The following BCKDHB variants were observed in gnomAD, a reference collection of about 807,000 sequenced individuals.
The protein encoded by BCKDHB is 2-oxoisovalerate dehydrogenase subunit beta, mitochondrial.
A neutral mutation model predicts 48.5 loss-of-function variants in BCKDHB; 41 were observed. The observed-to-expected ratio is 0.85, with a 90% confidence interval of 0.66 to 1.10. The LOEUF is 1.10. Ranked by LOEUF, BCKDHB falls within the 50% of genes least tolerant of loss-of-function variation. The pLI is 0.00. For missense variants in BCKDHB, 496 were observed against 494.2 expected, an observed-to-expected ratio of 1.00 and a Z score of -0.03; for synonymous variants, 201 against 174.8, an observed-to-expected ratio of 1.15 and a Z score of -1.18.
intron 7 of BCKDHB, among the ~76,000 whole-genome samples, chr6:80,202,458 T>G (rs1315604392): frequency 6.6e-6 from 1 of 152,216 alleles, no homozygotes; most frequent in African/African-American, 2.4e-5. Context: ...GTGTCTGTAT[T>G]TAATTTCTTA....
the BCKDHB span, among the ~76,000 whole-genome samples, chr6:80,392,324 T>A: frequency 6.6e-6 from 1 of 152,122 alleles, no homozygotes; most frequent in East Asian, 1.9e-4. Flanking sequence ...CAGAGATTGT[T>A]TTCTTCAGCT....
the BCKDHB span, among the ~76,000 whole-genome samples, chr6:80,398,114 G>A: frequency 6.6e-6 from 1 of 152,012 alleles, no homozygotes; most frequent in Non-Finnish European, 1.5e-5. Flanking sequence ...CTAAATGCCT[G>A]CATCAGAAAG....
At chr6:80,447,805 G>C in the BCKDHB span, among the ~76,000 whole-genome samples, 1 of 152,042 alleles carries the variant, frequency 6.6e-6, no homozygotes, top group Non-Finnish European at 1.5e-5. Flanking sequence ...ACTGGACTAG[G>C]CACTCTCTGT....
At position 80,210,608 on chromosome 6, in the gene BCKDHB, C is replaced by T. The variant is rs1774879618; in HGVS notation, c.951+7396C>T. Among the ~76,000 whole-genome samples the T allele has an allele frequency of 3.3e-5, 5 of 152,198 alleles. No individual in the cohort carries two copies. The South Asian group carries it at 1.0e-3, about 32-fold the overall frequency. ...TTTTTAAAAAAGAAATAAAAAGAAGCACTATCTTCTGTTTAATTCATTTCC... is the reference window on the plus strand; with the variant it reads ...TTTTTAAAAAAGAAATAAAAAGAAGTACTATCTTCTGTTTAATTCATTTCC... On this transcript the variant is annotated intron_variant, in intron 8 of 9. Coordinates refer to ENST00000320393, the MANE Select transcript of BCKDHB (RefSeq NM_183050.4).
At chr6:80,269,067 T>A (rs546288052) in intron 8 of BCKDHB, among the ~76,000 whole-genome samples, 1 of 152,268 alleles carries the variant, frequency 6.6e-6, no homozygotes, top group South Asian at 2.1e-4. Flanking sequence ...TAATGGAGTT[T>A]TTATCTAGTT....
At chr6:80,452,492 C>T in the BCKDHB span, among the ~76,000 whole-genome samples, 1 of 152,024 alleles carries the variant, frequency 6.6e-6, no homozygotes, top group African/African-American at 2.4e-5. Flanking sequence ...ACTATCAAGT[C>T]CCACAGAGCT....
At chr6:80,236,801 G>A (rs1489359649) in intron 8 of BCKDHB, among the ~76,000 whole-genome samples, 1 of 152,170 alleles carries the variant, frequency 6.6e-6, no homozygotes, top group East Asian at 1.9e-4. Context: ...CAGAGAGATT[G>A]AAAGAGACTT....
At chr6:80,361,368 A>G in the BCKDHB span, among the ~76,000 whole-genome samples, 5 of 152,322 alleles carry the variant, frequency 3.3e-5, no homozygotes, top group Non-Finnish European at 7.4e-5. Context: ...GGTGCACTGC[A>G]TGTGGAGGGC....
intron 1 of BCKDHB, among the ~76,000 whole-genome samples, chr6:80,121,677 A>G (rs1770028536): frequency 6.6e-6 from 1 of 152,146 alleles, no homozygotes; most frequent in African/African-American, 2.4e-5. Context: ...GTGTATAGGA[A>G]TGCTTGTGAT....
chr6:80,162,739 T>C (rs935126867), intron 3 of BCKDHB, among the ~76,000 whole-genome samples: 2 of 152,050 alleles, frequency 1.3e-5, no homozygotes, highest in African/African-American at 2.4e-5. Flanking sequence ...TAATCCCAGC[T>C]ACTCGGGAGG....
At chr6:80,111,951 G>A (rs890371055) in intron 1 of BCKDHB, among the ~76,000 whole-genome samples, 6 of 152,084 alleles carry the variant, frequency 3.9e-5, no homozygotes, top group South Asian at 2.1e-4. Context: ...AATTCCACCA[G>A]TATCACCATA....
At chr6:80,350,501 T>C (rs72892041), downstream of BCKDHB, among the ~76,000 whole-genome samples, 5,458 of 152,222 alleles carry the variant, frequency 0.036, 156 homozygotes, top group Non-Finnish European at 0.054. Flanking sequence ...TGTGTTTGCA[T>C]TGGTTAATAC....
At chr6:80,399,544 G>T in the BCKDHB span, among the ~76,000 whole-genome samples, 9 of 152,190 alleles carry the variant, frequency 5.9e-5, no homozygotes, top group African/African-American at 1.9e-4. Flanking sequence ...ACTGATGGTG[G>T]TGAAAGATCT....
intron 9 of BCKDHB, among the ~76,000 whole-genome samples, chr6:80,305,413 G>T (rs991091157): frequency 8.0e-5 from 12 of 149,096 alleles, no homozygotes; most frequent in African/African-American, 3.0e-4. Flanking sequence ...GTTTTTTTTT[G>T]AAAAATTATG....
At chr6:80,293,875 T>C (rs1331863579) in intron 9 of BCKDHB, among the ~76,000 whole-genome samples, 1 of 152,150 alleles carries the variant, frequency 6.6e-6, no homozygotes, top group African/African-American at 2.4e-5. Flanking sequence ...ACCACCAGTC[T>C]CCTTGTATAA....
At chr6:80,435,661 C>G in the BCKDHB span, among the ~76,000 whole-genome samples, 3 of 152,074 alleles carry the variant, frequency 2.0e-5, no homozygotes, top group South Asian at 2.1e-4. Context: ...CTCATTAAAC[C>G]TGGGCTGACA....
At chr6:80,310,128 G>A (rs1363124839) in intron 9 of BCKDHB, among the ~76,000 whole-genome samples, 1 of 150,534 alleles carries the variant, frequency 6.6e-6, no homozygotes, top group Admixed American at 6.6e-5. Flanking sequence ...GGGTACATGT[G>A]CAGAATGTGC....
At chr6:80,211,437 C>T (rs1352368100) in intron 8 of BCKDHB, among the ~76,000 whole-genome samples, 1 of 152,180 alleles carries the variant, frequency 6.6e-6, no homozygotes, top group East Asian at 1.9e-4. Flanking sequence ...TAGCATTTCT[C>T]TCCTGGGTTT....
intron 3 of BCKDHB, among the ~76,000 whole-genome samples, chr6:80,144,617 T>C (rs147818698): frequency 2.6e-5 from 4 of 152,218 alleles, no homozygotes; most frequent in Admixed American, 1.3e-4. Context: ...TTGAGCCAAA[T>C]AGTCTCAATG....
Sources: gnomAD v4.1 joint callset for allele counts (sites outside exome capture counted in the v4.1 genomes callset) on GRCh38, gnomAD v4.1.1 for gene constraint, MANE v1.5 for transcripts, NCBI Gene and HGNC (gene_info 2026-07-23, HGNC 2026-07-21) for gene names.